SLC38A10: variants seen among roughly 807,000 people sequenced by gnomAD.
The protein encoded by SLC38A10 is Sodium-coupled neutral amino acid transporter 10.
Under a neutral mutation model 81.0 loss-of-function variants are expected in SLC38A10, and 53 were observed. The ratio of observed to expected loss-of-function variants is 0.65; its 90% CI spans 0.53 to 0.82. The LOEUF (loss-of-function observed/expected upper bound fraction) is 0.82. Among genes scored for constraint, SLC38A10 ranks in the 40% least tolerant of loss-of-function variants. The pLI, the probability that SLC38A10 is intolerant of heterozygous loss-of-function variation, is 0.00. For missense variants in SLC38A10, 1,471 were observed against 1,545.0 expected (o/e 0.95, Z 0.80); for synonymous variants, 665 against 655.3 (o/e 1.01, Z -0.23).
chr17:81,275,499 C>T (rs370857408), intron 8 of SLC38A10, among the ~76,000 whole-genome samples: 5 of 151,764 alleles, frequency 3.3e-5, no homozygotes, highest in Non-Finnish European at 5.9e-5. Context: ...TTTGGGAGGC[C>T]GAGACGGGCG....
intron 14 of SLC38A10, chr17:81,247,271 C>T (rs930311978): frequency 6.1e-5 from 28 of 455,408 alleles, no homozygotes; most frequent in South Asian, 4.0e-4. Flanking sequence ...GGAGAGGCTG[C>T]GCCCTGACTG....
chr17:81,254,463 T>C (rs538033854), intron 11 of SLC38A10, among the ~76,000 whole-genome samples: 1 of 152,354 alleles, frequency 6.6e-6, no homozygotes. Flanking sequence ...TCAACTTTTT[T>C]TTAAGATGGA....
chr17:81,250,136 G>C (rs758870110), intron 14 of SLC38A10: 1 of 1,279,558 alleles, frequency 7.8e-7, no homozygotes, highest in Middle Eastern at 2.2e-4. Flanking sequence ...AGGCAGAATA[G>C]GAAACCGTGA....
intron 2 of SLC38A10, chr17:81,285,671 G>A (rs2063260019): frequency 6.6e-6 from 1 of 152,252 alleles, no homozygotes; most frequent in Non-Finnish European, 1.5e-5. Context: ...GAAGGGCAAA[G>A]GGAAGTCCCG....
chr17:81,253,422 C>T lies in SLC38A10; in HGVS notation c.1289-182G>A, dbSNP rs1372839315. On this transcript the variant is annotated intron_variant, in intron 11 of 15. Transcript: ENST00000374759. This position sits in a 1 kb window ranked among gnomAD's most constrained non-coding sequence, Gnocchi z 4.1. ...TGTCATTTTTCATGTGTATTCACAA[C>T]AAAAATATGTCAAAATGCGATTTAC... 6.6e-6 allele frequency among the ~76,000 whole-genome samples: 1 copy of T among 152,156 alleles called. No homozygotes were observed. The highest frequency in any genetic ancestry group is 2.4e-5 in the African/African-American group (1 of 41,408).
Position 81,252,196 on chromosome 17 carries a change from G to A in SLC38A10, c.1944C>T (p.His648=), listed in dbSNP as rs2062921796. The A allele has an allele frequency of 7.3e-6, 11 of 1,504,732 alleles. No individual in the cohort carries two copies. Among genetic ancestry groups the A allele is most frequent in the East Asian group, 4.6e-5 (2 of 43,706 alleles). 93.2% of individuals were successfully genotyped at this position (1,504,732 alleles called of 1,614,324 possible). A position where few individuals can be genotyped will look rare whatever the true frequency, so the allele number is the denominator to read the frequency against. ...DTGQPAEDSD[H]GGKPPLPAEK... is the part of the protein sequence containing the mutation. ...ACACGAGCCCAGGCTGACACCCACC[G>A]TGGTCGCTGTCCTCTGCGGGCTGCC... The change falls in exon 13 of 16, where the codon CAC becomes CAT. Residue 648 remains histidine, a splice_region_variant and synonymous_variant. Transcript: ENST00000374759.
rs572917413 is a variant in SLC38A10 at position 81,267,849 on chromosome 17, G to A, written c.1131+3069C>T. ...CCTTAGTCACAGAGAGGTCAAGCCT[G>A]TTGCCCTTGGAGACTCATCGATCAT... is the stretch of plus-strand genomic sequence containing the variant. On this transcript the variant is annotated intron_variant, in intron 10 of 15. Coordinates refer to ENST00000374759, the MANE Select transcript of SLC38A10 (RefSeq NM_001037984.3). Among the ~76,000 whole-genome samples the A allele has an allele frequency of 9.9e-5, 15 of 151,964 alleles. No individual in the cohort carries two copies. In the East Asian group the frequency reaches 2.3e-3, roughly 24 times the overall value.
intron 8 of SLC38A10, 124 bp downstream of exon 8, chr17:81,275,845 C>T (rs1018083217): frequency 1.3e-5 from 15 of 1,166,424 alleles, no homozygotes; most frequent in Admixed American, 9.6e-5. Context: ...TCCGCCCTCC[C>T]GGGACTCCTC....
At chr17:81,275,706 T>G (rs1283053452) in intron 8 of SLC38A10, among the ~76,000 whole-genome samples, 1 of 114,206 alleles carries the variant, frequency 8.8e-6, no homozygotes, top group Non-Finnish European at 1.7e-5. Context: ...CACTCCAGCC[T>G]GGGCGACAGA....
Position 81,251,482 on chromosome 17 carries a change from G to A in SLC38A10, c.2065+11C>T, listed in dbSNP as rs750569016. The A allele has an allele frequency of 1.4e-5, 22 of 1,604,130 alleles. No individual in the cohort carries two copies. Among genetic ancestry groups the A allele is most frequent in the South Asian group, 3.3e-5 (3 of 90,246 alleles). ...GGCCTGAGGCAGGCGGCTGTAGGGC[G>A]GAGGCCTTACCCTCCAGCTGGCTGG... On this transcript the variant is annotated intron_variant, in intron 14 of 15. Coordinates refer to ENST00000374759, the MANE Select transcript of SLC38A10 (RefSeq NM_001037984.3).
In SLC38A10 at chr17:81,260,325, C is replaced by A. The variant is rs755098757; in HGVS notation, c.1201G>T (p.Val401Phe). The change falls in exon 11 of 16, where the codon GTC (valine) becomes TTC (phenylalanine). Residue 401 changes from valine to phenylalanine, a missense_variant. Transcript: ENST00000374759. ...GCTTCCTCTGCCAAGTCCTCGGGGA[C>A]CTCCTCGCTCACAGACAGTGTGGTG... ...TVTTLSVSEE[V>F]PEDLAEEAPG... 9 of 1,609,088 alleles carry A rather than the reference C, an allele frequency of 5.6e-6. No individual in the cohort carries two copies. The highest frequency in any genetic ancestry group is 3.4e-5 in the Admixed American group (2 of 59,416).
At chr17:81,274,994 ACTCTT>A (rs1482676217) in intron 8 of SLC38A10, among the ~76,000 whole-genome samples, 1 of 151,788 alleles carries the variant, frequency 6.6e-6, no homozygotes, top group Non-Finnish European at 1.5e-5. Flanking sequence ...GCAGCCTTGA[ACTCTT>A]GGTTCAAGTG....
chr17:81,272,325 C>G (rs761192036), intron 9 of SLC38A10, among the ~76,000 whole-genome samples, 191 bp downstream of exon 9: 1 of 152,130 alleles, frequency 6.6e-6, no homozygotes, highest in African/African-American at 2.4e-5. Flanking sequence ...AGCCACCGCA[C>G]CTGGCTCAAG....
In SLC38A10 at chr17:81,252,661, C is replaced by T; in HGVS notation, c.1479G>A (p.Glu493=). 1 of 1,606,722 alleles carries T rather than the reference C, an allele frequency of 6.2e-7. No homozygotes were observed. Among genetic ancestry groups the T allele is most frequent in the South Asian group, 1.1e-5 (1 of 90,832 alleles). The change falls in exon 13 of 16, where the codon GAG becomes GAA. Residue 493 remains glutamate, a synonymous_variant. Coordinates refer to ENST00000374759, the MANE Select transcript of SLC38A10 (RefSeq NM_001037984.3). ...GAACAGGAGGCTCGTGGCGGTGGGC[C>T]TCGCCCACAGGCACAGCAATCCCTG... ...PGQGIAVPVG[E]AHRHEPPVPH...
At chr17:81,259,415 C>T (rs2063001178) in intron 11 of SLC38A10, among the ~76,000 whole-genome samples, 2 of 152,226 alleles carry the variant, frequency 1.3e-5, no homozygotes, top group South Asian at 2.1e-4. Flanking sequence ...TCGTCAGAGG[C>T]AGAAGACCCC....
rs2146925141 is a variant in SLC38A10 at position 81,270,803 on chromosome 17, G to A, written c.1131+115C>T. ...ACCAAGTCCCTTTTGTGGGTTTTAAGTTTCTTGATAGAACCCATCTGAAAA... is the reference window on the plus strand; with the variant it reads ...ACCAAGTCCCTTTTGTGGGTTTTAAATTTCTTGATAGAACCCATCTGAAAA... On this transcript the variant is annotated intron_variant, in intron 10 of 15. Transcript: ENST00000374759. This position sits in a 1 kb window ranked among gnomAD's most constrained non-coding sequence, Gnocchi z 4.0. 1 of 832,202 alleles carries A rather than the reference G, an allele frequency of 1.2e-6. No individual in the cohort carries two copies. Among genetic ancestry groups the A allele is most frequent in the Non-Finnish European group, 1.9e-6 (1 of 527,880 alleles). The allele number at this position is 832,202 out of a possible 1,614,324, so 51.6% of individuals were successfully genotyped here.
At chr17:81,294,089 C>T (rs1294230180) in intron 1 of SLC38A10, among the ~76,000 whole-genome samples, 2 of 152,216 alleles carry the variant, frequency 1.3e-5, no homozygotes, top group East Asian at 3.9e-4. Flanking sequence ...TCTCGGCTCA[C>T]TGCAACCTTC....
At chr17:81,255,139 G>A (rs1179006248) in intron 11 of SLC38A10, among the ~76,000 whole-genome samples, 3 of 152,244 alleles carry the variant, frequency 2.0e-5, no homozygotes, top group African/African-American at 4.8e-5. Flanking sequence ...GAACCTCCCG[G>A]GAACGCCACG....
chr17:81,282,811 C>T (rs1408396239), intron 4 of SLC38A10, among the ~76,000 whole-genome samples: 1 of 152,190 alleles, frequency 6.6e-6, no homozygotes, highest in Admixed American at 6.5e-5. Context: ...TGACAAGGAG[C>T]GAATCTGGTA....
Sources: allele counts gnomAD v4.1 joint callset (sites outside exome capture counted in the v4.1 genomes callset), GRCh38; gene constraint gnomAD v4.1.1; non-coding constraint Gnocchi (gnomAD v3.1); transcripts MANE v1.5; gene names NCBI Gene and HGNC (gene_info 2026-07-23, HGNC 2026-07-21).